Variants in SLC10A7 observed in about 807,000 individuals in gnomAD.
SLC10A7 encodes sodium/bile acid cotransporter 7.
A neutral mutation model predicts 43.2 loss-of-function variants in SLC10A7; 29 were observed. The ratio of observed to expected loss-of-function variants is 0.67; its 90% CI spans 0.50 to 0.92. SLC10A7 has a LOEUF of 0.92. SLC10A7 is among the 40% of genes least tolerant of loss of function. The pLI is 0.00. For missense variants in SLC10A7, 295 were observed against 403.2 expected (o/e 0.73, Z 2.30); for synonymous variants, 152 against 144.8 (o/e 1.05, Z -0.35).
chr4:146,326,622 G>A (rs527532225), intron 5 of SLC10A7, among the ~76,000 whole-genome samples: 4 of 152,268 alleles, frequency 2.6e-5, no homozygotes, highest in Admixed American at 6.5e-5. Context: ...TGTTTTCTTC[G>A]ATGACAGGGA....
intron 5 of SLC10A7, among the ~76,000 whole-genome samples, chr4:146,359,056 T>C (rs1262843744): frequency 6.6e-6 from 1 of 152,206 alleles, no homozygotes; most frequent in Non-Finnish European, 1.5e-5. Flanking sequence ...GACAATCTTC[T>C]AAAAGTTTAG....
At chr4:146,408,561 C>G (rs1209918931) in intron 5 of SLC10A7, 2 of 151,968 alleles carry the variant, frequency 1.3e-5, no homozygotes, top group Non-Finnish European at 2.9e-5. Context: ...AATAATGGAG[C>G]AGAGAGATGG....
chr4:146,313,618 AAAT>A (rs1037814919), intron 6 of SLC10A7, among the ~76,000 whole-genome samples: 1 of 152,158 alleles, frequency 6.6e-6, no homozygotes, highest in African/African-American at 2.4e-5. Flanking sequence ...AAATTATAAA[AAAT>A]AATTATTGTA....
At chr4:146,389,042 G>A (rs1170277015) in intron 5 of SLC10A7, among the ~76,000 whole-genome samples, 4 of 152,094 alleles carry the variant, frequency 2.6e-5, no homozygotes, top group Non-Finnish European at 5.9e-5. Context: ...AACTCAACTG[G>A]AGGCCATTAT....
intron 3 of SLC10A7, among the ~76,000 whole-genome samples, chr4:146,507,331 G>A (rs1017558282): frequency 6.6e-6 from 1 of 152,178 alleles, no homozygotes; most frequent in African/African-American, 2.4e-5. Flanking sequence ...GGAGGCTGAG[G>A]TGGGCGGATC....
intron 4 of SLC10A7, among the ~76,000 whole-genome samples, chr4:146,461,549 C>T (rs1183105568): frequency 6.6e-6 from 1 of 151,914 alleles, no homozygotes; most frequent in Non-Finnish European, 1.5e-5. Flanking sequence ...ATGAACTGAC[C>T]ATTTCTAAAA....
chr4:146,262,018 C>T (rs1490138591), intron 10 of SLC10A7, among the ~76,000 whole-genome samples: 1 of 152,192 alleles, frequency 6.6e-6, no homozygotes, highest in Non-Finnish European at 1.5e-5. Flanking sequence ...GACTAACTTC[C>T]ACCAAAAGCA....
intron 5 of SLC10A7, among the ~76,000 whole-genome samples, chr4:146,435,323 T>C (rs1579180223): frequency 6.6e-6 from 1 of 152,306 alleles, no homozygotes; most frequent in East Asian, 1.9e-4. Flanking sequence ...ACCAAGTTTA[T>C]ACAGTTTATG....
intron 9 of SLC10A7, among the ~76,000 whole-genome samples, chr4:146,290,257 G>C (rs1250757719): frequency 6.7e-6 from 1 of 148,882 alleles, no homozygotes; most frequent in Non-Finnish European, 1.5e-5. Context: ...CCAGGAGGCG[G>C]AGCTTGCAGT....
chr4:146,521,435 G>T (rs1738645610), intron 1 of SLC10A7, among the ~76,000 whole-genome samples, 183 bp downstream of exon 1: 1 of 152,144 alleles, frequency 6.6e-6, no homozygotes, highest in South Asian at 2.1e-4. Context: ...CCTTTGCCTC[G>T]TTCCTAATTA....
intron 4 of SLC10A7, among the ~76,000 whole-genome samples, chr4:146,458,129 T>A (rs1420848469): frequency 6.6e-6 from 1 of 151,768 alleles, no homozygotes; most frequent in Non-Finnish European, 1.5e-5. Context: ...TGATACAGTA[T>A]GACAAAGTGG....
chr4:146,279,145 C>G (rs1729385934), intron 10 of SLC10A7, among the ~76,000 whole-genome samples: 1 of 152,074 alleles, frequency 6.6e-6, no homozygotes, highest in African/African-American at 2.4e-5. Flanking sequence ...GGAGTCTTGC[C>G]ATTGACTGCT....
At chr4:146,477,053 C>T (rs962080763) in intron 4 of SLC10A7, among the ~76,000 whole-genome samples, 4 of 152,090 alleles carry the variant, frequency 2.6e-5, no homozygotes, top group African/African-American at 9.7e-5. Flanking sequence ...TCAATTAATC[C>T]TTATAAACTG....
chr4:146,281,859 G>A (rs2111110924), intron 10 of SLC10A7, among the ~76,000 whole-genome samples: 1 of 152,262 alleles, frequency 6.6e-6, no homozygotes, highest in African/African-American at 2.4e-5. Context: ...AGCACAGCAA[G>A]CTATTAGATG....
At chr4:146,378,749 A>G (rs1737389219) in intron 5 of SLC10A7, among the ~76,000 whole-genome samples, 1 of 152,202 alleles carries the variant, frequency 6.6e-6, no homozygotes, top group Non-Finnish European at 1.5e-5. Flanking sequence ...CATTTAACAA[A>G]GTGGTTCTTG....
chr4:146,430,610 T>C (rs1729707999), intron 5 of SLC10A7, among the ~76,000 whole-genome samples: 1 of 152,050 alleles, frequency 6.6e-6, no homozygotes, highest in Non-Finnish European at 1.5e-5. Context: ...ATAAACACGG[T>C]GAACATTTTA....
At chr4:146,336,487 T>C (rs1432880520) in intron 5 of SLC10A7, among the ~76,000 whole-genome samples, 1 of 152,020 alleles carries the variant, frequency 6.6e-6, no homozygotes, top group Non-Finnish European at 1.5e-5. Flanking sequence ...TCTTCCTCTT[T>C]TTGGTATTTG....
intron 10 of SLC10A7, among the ~76,000 whole-genome samples, chr4:146,277,341 T>C (rs188987812): frequency 9.8e-4 from 150 of 152,314 alleles, no homozygotes; most frequent in Non-Finnish European, 8.4e-4. Context: ...TTGCAAAGTC[T>C]AGATATGCTA....
intron 9 of SLC10A7, among the ~76,000 whole-genome samples, chr4:146,291,243 A>G (rs1299573518): frequency 6.6e-6 from 1 of 152,268 alleles, no homozygotes; most frequent in African/African-American, 2.4e-5. Context: ...ATTTACAAAA[A>G]GAACTTTAAA....
Sources: gnomAD v4.1 joint callset for allele counts (sites outside exome capture counted in the v4.1 genomes callset) on GRCh38, gnomAD v4.1.1 for gene constraint, MANE v1.5 for transcripts, NCBI Gene and HGNC (gene_info 2026-07-23, HGNC 2026-07-21) for gene names.